The following RIN2 variants were observed in gnomAD, a reference collection of about 807,000 sequenced individuals.
RIN2 encodes RAB5 interacting protein 2.
RIN2 carries 36 observed loss-of-function variants against 78.0 expected under a neutral mutation model. The ratio of observed to expected loss-of-function variants is 0.46; its 90% CI spans 0.35 to 0.61. RIN2 has a LOEUF of 0.61. Ranked by LOEUF, RIN2 falls within the 20% of genes least tolerant of loss-of-function variation. RIN2 has a pLI of 0.00. For synonymous variants in RIN2, 466 were observed against 466.8 expected, an observed-to-expected ratio of 1.00 and a Z score of 0.02; for missense variants, 1,087 against 1,159.7, an observed-to-expected ratio of 0.94 and a Z score of 0.91.
intron 3 of RIN2, among the ~76,000 whole-genome samples, chr20:19,902,514 G>A (rs1691646717): frequency 1.3e-5 from 2 of 152,112 alleles, no homozygotes; most frequent in South Asian, 4.1e-4. Flanking sequence ...CTTCTCAAAG[G>A]CCACCAGGAG....
chr20:19,858,287 G>A (rs1684129035), intron 2 of RIN2, among the ~76,000 whole-genome samples: 1 of 152,184 alleles, frequency 6.6e-6, no homozygotes, highest in African/African-American at 2.4e-5. Context: ...CTACATCTGA[G>A]TGAGGAAGGA....
chr20:19,831,180 A>G (rs2036241279), intron 2 of RIN2, among the ~76,000 whole-genome samples: 1 of 152,208 alleles, frequency 6.6e-6, no homozygotes, highest in Non-Finnish European at 1.5e-5. Flanking sequence ...AGAAATGTGA[A>G]GCTGCCAACT....
At chr20:19,927,032 C>T (rs922293900) in intron 3 of RIN2, among the ~76,000 whole-genome samples, 8 of 152,180 alleles carry the variant, frequency 5.3e-5, no homozygotes, top group South Asian at 4.1e-4. Context: ...GGAAATTCAG[C>T]GCCTAGTGGG....
chr20:19,925,820 C>T (rs1043063491), intron 3 of RIN2, among the ~76,000 whole-genome samples: 9 of 152,200 alleles, frequency 5.9e-5, no homozygotes, highest in African/African-American at 2.2e-4. Flanking sequence ...CAATGTGGCA[C>T]CAGCTCAGAA....
chr20:19,866,467 A>G (rs531670070), intron 2 of RIN2, among the ~76,000 whole-genome samples: 2 of 152,314 alleles, frequency 1.3e-5, no homozygotes, highest in East Asian at 3.9e-4. Context: ...TGGGGAGTGC[A>G]GAGAGACATG....
At chr20:19,892,366 C>T (rs1188721224) in intron 3 of RIN2, among the ~76,000 whole-genome samples, 1 of 152,076 alleles carries the variant, frequency 6.6e-6, no homozygotes, top group Non-Finnish European at 1.5e-5. Context: ...CAGGTGCCTG[C>T]CACCACACCC....
At position 19,854,201 on chromosome 20, in the gene RIN2, A is replaced by G. The variant is rs375840443; in HGVS notation, c.-36-35365A>G. On this transcript the variant is annotated intron_variant, in intron 2 of 12. Transcript: ENST00000255006. ...GATCAGATGGTTGTAGATGTGTGGT[A>G]TTACTTCTGAGGGCTCTGTTCTGTT... Among the ~76,000 whole-genome samples, 1,105 of 152,144 alleles carry G rather than the reference A, an allele frequency of 7.3e-3. 12 individuals are homozygous for G. Among genetic ancestry groups the G allele is most frequent in the South Asian group, 0.043 (208 of 4,812 alleles).
At chr20:19,985,667 T>C (rs2042598113) in intron 9 of RIN2, among the ~76,000 whole-genome samples, 1 of 151,980 alleles carries the variant, frequency 6.6e-6, no homozygotes, top group Non-Finnish European at 1.5e-5. Context: ...AGACCAGGAG[T>C]TCGAGGCCAA....
At chr20:19,935,708 G>A (rs2424250) in intron 4 of RIN2, 719,738 of 752,944 alleles carry the variant, frequency 0.96, 345,303 homozygotes, top group Non-Finnish European at 0.98. Flanking sequence ...CAAAGGGAAG[G>A]CGGCGTGCTG....
intron 2 of RIN2, among the ~76,000 whole-genome samples, chr20:19,846,165 G>A (rs956534245): frequency 5.3e-5 from 8 of 152,162 alleles, no homozygotes; most frequent in African/African-American, 1.9e-4. Context: ...GTAGTGTGAT[G>A]CCTCCAGCTT....
chr20:19,886,424 A>G (rs990415766), intron 2 of RIN2: 63 of 399,100 alleles, frequency 1.6e-4, no homozygotes, highest in Non-Finnish European at 3.1e-5. Flanking sequence ...AGTTTACTAT[A>G]AAGTGACAGA....
intron 1 of RIN2, among the ~76,000 whole-genome samples, chr20:19,782,487 C>T (rs757163032): frequency 6.6e-6 from 1 of 151,370 alleles, no homozygotes; most frequent in Non-Finnish European, 1.5e-5. Context: ...ATCACTTGAA[C>T]CTGGGAGGTG....
At chr20:19,893,944 C>T (rs139390270) in intron 3 of RIN2, among the ~76,000 whole-genome samples, 108 of 152,128 alleles carry the variant, frequency 7.1e-4, no homozygotes, top group African/African-American at 2.5e-3. Context: ...TGATGATGGG[C>T]GCCTGTATTC....
At chr20:19,928,519 T>C (rs1328871729) in intron 3 of RIN2, among the ~76,000 whole-genome samples, 1 of 152,154 alleles carries the variant, frequency 6.6e-6, no homozygotes, top group Admixed American at 6.5e-5. Context: ...TGCAGAATGA[T>C]TACAAAATGG....
chr20:19,928,892 A>G (rs2040334520), intron 3 of RIN2, among the ~76,000 whole-genome samples: 1 of 152,098 alleles, frequency 6.6e-6, no homozygotes, highest in Non-Finnish European at 1.5e-5. Context: ...CCTGCTGTAC[A>G]TGCCTGCAGG....
At chr20:19,938,543 C>T (rs1193179436) in intron 4 of RIN2, among the ~76,000 whole-genome samples, 2 of 152,074 alleles carry the variant, frequency 1.3e-5, no homozygotes, top group African/African-American at 4.8e-5. Flanking sequence ...CCTTTTCACT[C>T]TTCACACCTT....
At chr20:19,994,948 GT>G (rs1227674612) in intron 11 of RIN2, among the ~76,000 whole-genome samples, 1 of 152,146 alleles carries the variant, frequency 6.6e-6, no homozygotes, top group East Asian at 1.9e-4. Context: ...ATGGCTCAGG[GT>G]GACCCAGATT....
chr20:19,910,726 G>A (rs145389849), intron 3 of RIN2, among the ~76,000 whole-genome samples: 1,971 of 151,030 alleles, frequency 0.013, 32 homozygotes, highest in African/African-American at 0.045. Context: ...CCACTACCAC[G>A]CCCGGCTAAT....
At chr20:19,847,818 C>G (rs6106143) in intron 2 of RIN2, among the ~76,000 whole-genome samples, 8,409 of 152,076 alleles carry the variant, frequency 0.055, 286 homozygotes, top group South Asian at 0.12. Context: ...GACTGTGAGT[C>G]GCATTATATT....
Sources: gnomAD v4.1 joint callset for allele counts (sites outside exome capture counted in the v4.1 genomes callset) on GRCh38, gnomAD v4.1.1 for gene constraint, MANE v1.5 for transcripts, NCBI Gene and HGNC (gene_info 2026-07-23, HGNC 2026-07-21) for gene names.